The following WRAP53 variants were observed in gnomAD, a reference collection of about 807,000 sequenced individuals.
The protein encoded by WRAP53 is telomerase Cajal body protein 1.
Under a neutral mutation model 56.6 loss-of-function variants are expected in WRAP53, and 28 were observed. That is an observed-to-expected ratio of 0.50 (90% confidence interval 0.37 to 0.68). The LOEUF (loss-of-function observed/expected upper bound fraction) is 0.68. Among genes scored for constraint, WRAP53 ranks in the 30% least tolerant of loss-of-function variants. The probability of loss-of-function intolerance (pLI) is 0.00; values close to 1 mark genes in which losing one functional copy is unlikely to be tolerated. For missense variants in WRAP53, 671 were observed against 715.5 expected (o/e 0.94, Z 0.71); for synonymous variants, 283 against 283.4 (o/e 1.00, Z 0.01).
At chr17:7,699,673 A>G (rs115837103) in intron 4 of WRAP53, among the ~76,000 whole-genome samples, 3,330 of 149,312 alleles carry the variant, frequency 0.022, 123 homozygotes, top group African/African-American at 0.075. Context: ...TTTTTTTAAT[A>G]AGATACTTTG....
At chr17:7,703,159 T>G in intron 10 of WRAP53, 32 bp downstream of exon 10, 5 of 1,613,872 alleles carry the variant, frequency 3.1e-6, no homozygotes, top group South Asian at 1.1e-5. Context: ...ATGTTGGGGC[T>G]TGGGTTGGGG....
chr17:7,689,732 A>T (rs773820387), intron 4 of WRAP53, 31 bp downstream of exon 4: 1 of 1,536,886 alleles, frequency 6.5e-7, no homozygotes, highest in Non-Finnish European at 9.0e-7. Flanking sequence ...CCTCTTCATC[A>T]ATGCTGCACA....
Position 7,693,956 on chromosome 17 carries a change from T to C in WRAP53, c.642+4255T>C, listed in dbSNP as rs376886068. Among the ~76,000 whole-genome samples the C allele has an allele frequency of 1.2e-4, 19 of 152,078 alleles. No homozygotes were observed. In the East Asian group the frequency reaches 3.1e-3, roughly 25 times the overall value. On this transcript the variant is annotated intron_variant, in intron 4 of 10. Transcript: ENST00000396463. Reference sequence around the variant, plus strand: ...TAAGGAACTGGACTGTAAATAAGTTTTTGATGAAGCTGAATAAATTGTCAT... The same window carrying C: ...TAAGGAACTGGACTGTAAATAAGTTCTTGATGAAGCTGAATAAATTGTCAT...
intron 4 of WRAP53, among the ~76,000 whole-genome samples, chr17:7,693,935 G>A (rs573818706): frequency 6.6e-6 from 1 of 152,214 alleles, no homozygotes; most frequent in Non-Finnish European, 1.5e-5. Context: ...AGTGGGTAAG[G>A]AACTGGACTG....
Position 7,702,158 on chromosome 17 carries a change from ATTT to A in WRAP53, c.956-185_956-183del. 1.4e-6 allele frequency: 1 copy of A among 726,942 alleles called. No individual in the cohort carries two copies. The highest frequency in any genetic ancestry group is 2.4e-6 in the Non-Finnish European group (1 of 422,840). 45.0% of individuals were successfully genotyped at this position (726,942 alleles called of 1,614,324 possible). ...GAGAGGGATGAAGTGGGGCTTGGGC[ATTT>A]AGGTCCTTTGGGAGGATAGATGTGG... is the stretch of plus-strand genomic sequence containing the variant. On this transcript the variant is annotated intron_variant, in intron 7 of 10. Coordinates refer to ENST00000396463, the MANE Select transcript of WRAP53 (RefSeq NM_001143992.2). This position sits in a 1 kb window ranked among gnomAD's most constrained non-coding sequence, Gnocchi z 5.0.
chr17:7,689,257 A>T lies in WRAP53; in HGVS notation c.465A>T (p.Arg155=). 6.2e-7 allele frequency: 1 copy of T among 1,613,740 alleles called. No individual in the cohort carries two copies. The highest frequency in any genetic ancestry group is 8.5e-7 in the Non-Finnish European group (1 of 1,179,950). Residue 155 remains arginine, a synonymous_variant, in exon 3 of 11, where the codon CGA becomes CGT. Transcript: ENST00000396463. ...AWNYSFSQLP[R]FLSGSWSEFS... ...ACTACAGCTTCTCCCAGCTGCCTCG[A>T]TTTCTCAGTGGTTCCTGGTCAGAGT...
Position 7,688,514 on chromosome 17 carries a change from T to C in WRAP53, c.-49T>C, listed in dbSNP as rs923542780. ...AGAATTGGCGTCCGCTGTTCGCCTCTCCTCCCGGGAGTCTTCTGCCTACTC... is the reference window on the plus strand; with the variant it reads ...AGAATTGGCGTCCGCTGTTCGCCTCCCCTCCCGGGAGTCTTCTGCCTACTC... On this transcript the variant is annotated 5_prime_UTR_variant, in exon 1 of 11. Coordinates refer to ENST00000396463, the MANE Select transcript of WRAP53 (RefSeq NM_001143992.2). 4.3e-6 allele frequency: 4 copies of C among 932,534 alleles called. No individual in the cohort carries two copies. Among genetic ancestry groups the C allele is most frequent in the Admixed American group, 5.1e-5 (2 of 39,028 alleles). 57.8% of individuals were successfully genotyped at this position (932,534 alleles called of 1,614,324 possible).
In WRAP53 at chr17:7,688,985, C is replaced by G. The variant is rs751932334; in HGVS notation, c.337C>G (p.Leu113Val). ...SLPAEEANGS[L>V]SEEEANGPEL... is the part of the protein sequence containing the mutation. The stretch of plus-strand genomic sequence containing the variant: ...TCCTGCAGAAGAAGCAAACGGGAGC[C>G]TTTCTGAAGAAGAAGCGAACGGGCC... Residue 113 changes from leucine to valine, a missense_variant, in exon 2 of 11, where the codon CTT (leucine) becomes GTT (valine). Transcript: ENST00000396463. 1.2e-6 allele frequency: 2 copies of G among 1,614,184 alleles called. No individual in the cohort carries two copies. The highest frequency in any genetic ancestry group is 1.7e-6 in the Non-Finnish European group (2 of 1,180,030).
At chr17:7,696,341 C>A (rs1256430817) in intron 4 of WRAP53, among the ~76,000 whole-genome samples, 2 of 146,018 alleles carry the variant, frequency 1.4e-5, no homozygotes, top group Non-Finnish European at 3.0e-5. Flanking sequence ...CTCTGTCGCC[C>A]AGGCTGGAGT....
intron 4 of WRAP53, among the ~76,000 whole-genome samples, chr17:7,691,774 C>T (rs1226567465): frequency 6.6e-6 from 1 of 151,894 alleles, no homozygotes; most frequent in South Asian, 2.1e-4. Flanking sequence ...ATCCACCTGC[C>T]TCAGCCTTCC....
chr17:7,694,393 C>T (rs2074154679), intron 4 of WRAP53, among the ~76,000 whole-genome samples: 1 of 151,772 alleles, frequency 6.6e-6, no homozygotes, highest in African/African-American at 2.4e-5. Context: ...CAGGCACGCA[C>T]CACCGCACCC....
At position 7,701,725 on chromosome 17, in the gene WRAP53, C is replaced by A; in HGVS notation, c.891C>A (p.Asn297Lys). 1 of 1,614,246 alleles carries A rather than the reference C, an allele frequency of 6.2e-7. No individual in the cohort carries two copies. The highest frequency in any genetic ancestry group is 8.5e-7 in the Non-Finnish European group (1 of 1,180,034). Residue 297 changes from asparagine (N) to lysine (K), a missense_variant, in exon 7 of 11, where the codon AAC (asparagine) becomes AAA (lysine). By Grantham distance (94) the Asn-to-Lys change is moderately conservative. This residue lies in a region of WRAP53 where 406 missense variants were observed against 418.5 expected (regional missense o/e 0.97). Transcript: ENST00000396463. This position sits in a 1 kb window ranked among gnomAD's most constrained non-coding sequence, Gnocchi z 4.2. ...PDGSQLFCGF[N>K]RTVRVFSTAR... ...GCTCCCAGCTCTTCTGTGGCTTCAA[C>A]CGGACTGTGCGTGTTTTTTCCACGG... is the stretch of plus-strand genomic sequence containing the variant.
intron 4 of WRAP53, among the ~76,000 whole-genome samples, chr17:7,695,654 C>T (rs1331042435): frequency 6.6e-6 from 1 of 152,182 alleles, no homozygotes; most frequent in Non-Finnish European, 1.5e-5. Flanking sequence ...GACGTTGGCA[C>T]TGTACAGCCT....
rs572776428 is a variant in WRAP53 at position 7,702,150 on chromosome 17, G to C, written c.956-194G>C. On this transcript the variant is annotated intron_variant, in intron 7 of 10. Coordinates refer to ENST00000396463, the MANE Select transcript of WRAP53 (RefSeq NM_001143992.2). The surrounding 1 kb of genome is among the most constrained non-coding windows in gnomAD (Gnocchi z 5.0). ...TGGGATTTGAGAGGGATGAAGTGGG[G>C]CTTGGGCATTTAGGTCCTTTGGGAG... is the stretch of plus-strand genomic sequence containing the variant. 2 of 713,140 alleles carry C rather than the reference G, an allele frequency of 2.8e-6. No individual in the cohort carries two copies. Among genetic ancestry groups the C allele is most frequent in the Non-Finnish European group, 4.9e-6 (2 of 410,808 alleles). The allele number at this position is 713,140 out of a possible 1,614,324, so 44.2% of individuals were successfully genotyped here. A position where few individuals can be genotyped will look rare whatever the true frequency, so the allele number is the denominator to read the frequency against.
chr17:7,699,522 TTATATA>T (rs1203888377), intron 4 of WRAP53, among the ~76,000 whole-genome samples: 5 of 14,096 alleles, frequency 3.5e-4, no homozygotes, highest in Non-Finnish European at 4.6e-4. Flanking sequence ...ATATATATAT[TTATATA>T]TATATATATA....
Position 7,702,608 on chromosome 17 carries a change from A to C in WRAP53, c.1164+56A>C. ...GCTGGGCAGCGGGGCAGGAGCAGGG[A>C]TGTAGTCTGCAGTGTAGGGGAATGG... is the stretch of plus-strand genomic sequence containing the variant. On this transcript the variant is annotated intron_variant, in intron 8 of 10. Transcript: ENST00000396463. This position sits in a 1 kb window ranked among gnomAD's most constrained non-coding sequence, Gnocchi z 5.0. 3.8e-6 allele frequency: 6 copies of C among 1,595,504 alleles called. No homozygotes were observed. In the South Asian group the frequency reaches 6.6e-5, roughly 18 times the overall value.
chr17:7,701,265 A>G lies in WRAP53; in HGVS notation c.732-194A>G, dbSNP rs2074269545. Among the ~76,000 whole-genome samples the G allele has an allele frequency of 6.6e-6, 1 of 151,162 alleles. No homozygotes were observed. The highest frequency in any genetic ancestry group is 2.4e-5 in the African/African-American group (1 of 40,976). On this transcript the variant is annotated intron_variant, in intron 5 of 10. Transcript: ENST00000396463. This position sits in a 1 kb window ranked among gnomAD's most constrained non-coding sequence, Gnocchi z 4.2. Reference sequence around the variant, plus strand: ...ATTACAGGCATGAGCCACCACACCCAGCCTCATTTTTGTATTTTTAGTAGA... The same window carrying G: ...ATTACAGGCATGAGCCACCACACCCGGCCTCATTTTTGTATTTTTAGTAGA...
At chr17:7,686,201 G>A (rs139240810), upstream of WRAP53, 10 of 152,358 alleles carry the variant, frequency 6.6e-5, no homozygotes, top group Non-Finnish European at 1.5e-4. Flanking sequence ...AACTGGAATG[G>A]CCTAGCCCAA....
At chr17:7,700,657 C>T (rs918404279) in intron 4 of WRAP53, 84 bp from the exon 5 acceptor site, 2 of 867,730 alleles carry the variant, frequency 2.3e-6, no homozygotes, top group Non-Finnish European at 4.0e-6. Flanking sequence ...ATATACACCC[C>T]ATCTGCCACA....
Sources: allele counts gnomAD v4.1 joint callset (sites outside exome capture counted in the v4.1 genomes callset), GRCh38; gene constraint gnomAD v4.1.1; regional missense constraint gnomAD v4.1.1; non-coding constraint Gnocchi (gnomAD v3.1); transcripts MANE v1.5; gene names NCBI Gene and HGNC (gene_info 2026-07-23, HGNC 2026-07-21).